CYGB: variants seen among roughly 807,000 people sequenced by gnomAD.
CYGB encodes the protein cytoglobin.
CYGB carries 13 observed loss-of-function variants against 20.7 expected under a neutral mutation model. That is an observed-to-expected ratio of 0.63 (90% CI 0.41 to 1.00). The LOEUF is 1.00. Among genes scored for constraint, CYGB ranks in the 50% least tolerant of loss-of-function variants. The probability of loss-of-function intolerance (pLI) is 0.00; values close to 1 mark genes in which losing one functional copy is unlikely to be tolerated. For synonymous variants in CYGB, 93 were observed against 107.4 expected, an observed-to-expected ratio of 0.87 and a Z score of 0.83; for missense variants, 218 against 257.2, an observed-to-expected ratio of 0.85 and a Z score of 1.04.
intron 1 of CYGB, among the ~76,000 whole-genome samples, chr17:76,548,418 T>G (rs1198318311): frequency 6.6e-6 from 1 of 152,230 alleles, no homozygotes; most frequent in Admixed American, 6.5e-5. Flanking sequence ...GAACCTGCAA[T>G]GTACAAACCC....
chr17:76,533,545 C>T lies in CYGB; in HGVS notation c.144-1854G>A, dbSNP rs1177541582. ...TTTGAGACCAGCCTGGGCAATGTGG[C>T]AAACCCTGTCTCTACAAAATACAAA... On this transcript the variant is annotated intron_variant, in intron 1 of 3. Coordinates refer to ENST00000293230, the MANE Select transcript of CYGB (RefSeq NM_134268.5). This position sits in a 1 kb window ranked among gnomAD's most constrained non-coding sequence, Gnocchi z 4.5. 6.7e-6 allele frequency among the ~76,000 whole-genome samples: 1 copy of T among 150,092 alleles called. No homozygotes were observed. Among genetic ancestry groups the T allele is most frequent in the African/African-American group, 2.5e-5 (1 of 40,622 alleles).
upstream of CYGB, chr17:76,540,458 G>A: frequency 6.3e-7 from 1 of 1,598,962 alleles, no homozygotes; most frequent in Non-Finnish European, 8.6e-7. This position sits in a 1 kb window ranked among gnomAD's most constrained non-coding sequence, Gnocchi z 5.0. Flanking sequence ...GACAGTGAGG[G>A]GCTGGGCACA....
rs146768380 is a variant in CYGB at position 76,531,614 on chromosome 17, C to A, written c.221G>T (p.Arg74Leu). ...KHMEDPLEME[R>L]SPQLRKHACR... ...GGCGTGCTTCCGCAGCTGGGGGCTCCGCTCCATCTCCAGGGGATCCTCCAT... is the reference window on the plus strand; with the variant it reads ...GGCGTGCTTCCGCAGCTGGGGGCTCAGCTCCATCTCCAGGGGATCCTCCAT... The change falls in exon 2 of 4, where the codon CGG becomes CTG. Residue 74 changes from arginine to leucine, a missense_variant. Transcript: ENST00000293230. The surrounding 1 kb of genome is among the most constrained non-coding windows in gnomAD (Gnocchi z 7.4). 1 of 1,613,502 alleles carries A rather than the reference C, an allele frequency of 6.2e-7. No homozygotes were observed. Among genetic ancestry groups the A allele is most frequent in the Admixed American group, 1.7e-5 (1 of 60,022 alleles).
intron 1 of CYGB, chr17:76,545,055 C>G (rs4648339): frequency 1.1e-4 from 48 of 438,046 alleles, no homozygotes; most frequent in Middle Eastern, 5.0e-4. Flanking sequence ...CCATGTGGGC[C>G]GGGTGGGGGG....
intron 1 of CYGB, among the ~76,000 whole-genome samples, chr17:76,534,166 CTCTCTCTCTCTT>C (rs1472117760): frequency 6.7e-5 from 10 of 148,260 alleles, no homozygotes; most frequent in African/African-American, 2.0e-4. Flanking sequence ...CTCTCTCTCT[CTCTCTCTCTCTT>C]TCTTTCTTTC....
rs2074787584 is a variant in CYGB, at chr17:76,528,031, A to G, written c.*547T>C. On this transcript the variant is annotated 3_prime_UTR_variant, in exon 4 of 4. Transcript: ENST00000293230. The surrounding 1 kb of genome is among the most constrained non-coding windows in gnomAD (Gnocchi z 5.8). Reference sequence around the variant, plus strand: ...TTTGCCAGAACACTCTGTTCTCTGCACAACCGGAACCCCTCCCTGCCCCAC... The same window carrying G: ...TTTGCCAGAACACTCTGTTCTCTGCGCAACCGGAACCCCTCCCTGCCCCAC... 4 of 368,242 alleles carry G rather than the reference A, an allele frequency of 1.1e-5. No individual in the cohort carries two copies. The allele number at this position is 368,242 out of a possible 1,614,324, so 22.8% of individuals were successfully genotyped here. A position where few individuals can be genotyped will look rare whatever the true frequency, so the allele number is the denominator to read the frequency against.
intron 3 of CYGB, chr17:76,529,139 TAAGAG>T (rs1296744404): frequency 1.7e-5 from 17 of 975,716 alleles, no homozygotes; most frequent in Non-Finnish European, 1.9e-5. Context: ...GCTTCCCTGA[TAAGAG>T]AAGTTGGGCG....
rs1015127303 is a variant in CYGB at position 76,531,395 on chromosome 17, C to T, written c.375+65G>A. The T allele has an allele frequency of 6.4e-7, 1 of 1,552,894 alleles. No individual in the cohort carries two copies. The highest frequency in any genetic ancestry group is 1.2e-5 in the South Asian group (1 of 85,392). On this transcript the variant is annotated intron_variant, in intron 2 of 3. Transcript: ENST00000293230. The surrounding 1 kb of genome is among the most constrained non-coding windows in gnomAD (Gnocchi z 7.4). ...TTGCTCCAGAGAGCCGTCGCAGAGC[C>T]TGCGAGCTGCAGATGGCCATGACGC...
intron 1 of CYGB, chr17:76,545,541 C>G (rs1177267783): frequency 2.8e-6 from 1 of 353,628 alleles, no homozygotes; most frequent in Non-Finnish European, 5.6e-6. Context: ...GTGCTGGCTA[C>G]TGTGAAATAA....
chr17:76,531,540 G>A lies in CYGB; in HGVS notation c.295C>T (p.Pro99Ser). The A allele has an allele frequency of 6.2e-7, 1 of 1,614,148 alleles. No homozygotes were observed. The highest frequency in any genetic ancestry group is 8.5e-7 in the Non-Finnish European group (1 of 1,179,980). Residue 99 changes from proline (P) to serine (S), a missense_variant, in exon 2 of 4, where the codon CCC becomes TCC. By Grantham distance (74) the Pro-to-Ser change is moderately conservative. This residue lies in a region of CYGB where 152 missense variants were observed against 149.9 expected (regional missense o/e 1.01). Coordinates refer to ENST00000293230, the MANE Select transcript of CYGB (RefSeq NM_134268.5). This position sits in a 1 kb window ranked among gnomAD's most constrained non-coding sequence, Gnocchi z 7.4. ...LNTVVENLHD[P>S]DKVSSVLALV... ...GCGAGCACAGAGGACACCTTGTCGG[G>A]GTCATGCAGGTTCTCCACGACAGTG...
rs777836442 is a variant in CYGB at position 76,528,507 on chromosome 17, G to A, written c.*71C>T. The A allele has an allele frequency of 7.4e-6, 9 of 1,219,530 alleles. No individual in the cohort carries two copies. The East Asian group carries it at 9.5e-5, about 13-fold the overall frequency. 75.5% of individuals were successfully genotyped at this position (1,219,530 alleles called of 1,614,324 possible). On this transcript the variant is annotated 3_prime_UTR_variant, in exon 4 of 4. Coordinates refer to ENST00000293230, the MANE Select transcript of CYGB (RefSeq NM_134268.5). This position sits in a 1 kb window ranked among gnomAD's most constrained non-coding sequence, Gnocchi z 5.8. ...CTTCCTTGGCACCCAGAAATGGAGCGTCAAGGAGGGTCTTCAGAACTCGGC... is the reference window on the plus strand; with the variant it reads ...CTTCCTTGGCACCCAGAAATGGAGCATCAAGGAGGGTCTTCAGAACTCGGC...
chr17:76,540,262 G>GGCATGGGGCT, upstream of CYGB: 5 of 738,392 alleles, frequency 6.8e-6, no homozygotes, highest in South Asian at 1.5e-5. This position sits in a 1 kb window ranked among gnomAD's most constrained non-coding sequence, Gnocchi z 5.0. Flanking sequence ...GGGGGGGGGG[G>GGCATGGGGCT]GCATGGGGCT....
chr17:76,535,126 G>C (rs1308674151), intron 1 of CYGB, among the ~76,000 whole-genome samples: 1 of 152,184 alleles, frequency 6.6e-6, no homozygotes, highest in Non-Finnish European at 1.5e-5. Context: ...ATGGAAGTGT[G>C]GGGTCTGCCT....
intron 1 of CYGB, among the ~76,000 whole-genome samples, chr17:76,549,316 C>T (rs192656538): frequency 1.2e-4 from 19 of 152,334 alleles, no homozygotes; most frequent in Non-Finnish European, 2.6e-4. Flanking sequence ...AAACATACAG[C>T]TAAAATACAT....
chr17:76,527,782 C>T lies in CYGB; in HGVS notation c.*796G>A, dbSNP rs762643014. 6.6e-5 allele frequency: 30 copies of T among 454,030 alleles called. No homozygotes were observed. Among genetic ancestry groups the T allele is most frequent in the Middle Eastern group, 6.9e-4 (1 of 1,442 alleles). The allele number at this position is 454,030 out of a possible 1,614,324, so 28.1% of individuals were successfully genotyped here. On this transcript the variant is annotated 3_prime_UTR_variant, in exon 4 of 4. Coordinates refer to ENST00000293230, the MANE Select transcript of CYGB (RefSeq NM_134268.5). ...CTGGACTGAGGCCCCTCCCCCAGTG[C>T]GGTCATCCCACCCAGAACTTCGCTC...
rs112871100 is a variant in CYGB at position 76,531,694 on chromosome 17, G to A, written c.144-3C>T. On this transcript the variant is annotated splice_polypyrimidine_tract_variant and splice_region_variant and intron_variant, in intron 1 of 3. Coordinates refer to ENST00000293230, the MANE Select transcript of CYGB (RefSeq NM_134268.5). This position sits in a 1 kb window ranked among gnomAD's most constrained non-coding sequence, Gnocchi z 7.4. Reference sequence around the variant, plus strand: ...CCGAGGGGAAGTTCACAAAGAACCTGGCAAGAGGAACAGGGGTGGTCGCTG... The same window carrying A: ...CCGAGGGGAAGTTCACAAAGAACCTAGCAAGAGGAACAGGGGTGGTCGCTG... 6.3e-7 allele frequency: 1 copy of A among 1,590,266 alleles called. No individual in the cohort carries two copies. The highest frequency in any genetic ancestry group is 8.6e-7 in the Non-Finnish European group (1 of 1,161,872).
At chr17:76,543,097 A>G (rs1188117940) in intron 1 of CYGB, 1 of 471,336 alleles carries the variant, frequency 2.1e-6, no homozygotes, top group Admixed American at 2.3e-5. Context: ...AAGAGGGAGA[A>G]TGGGGGGAAG....
Position 76,527,717 on chromosome 17 carries a change from C to T in CYGB, c.*861G>A, listed in dbSNP as rs1208274146. On this transcript the variant is annotated 3_prime_UTR_variant, in exon 4 of 4. Transcript: ENST00000293230. ...CAGCAGCCCGGATCCCCCGGGGCTG[C>T]CCTGGTGGCCAAGGCAGGTGGAGCT... 1 of 454,044 alleles carries T rather than the reference C, an allele frequency of 2.2e-6. No individual in the cohort carries two copies. Among genetic ancestry groups the T allele is most frequent in the East Asian group, 6.9e-5 (1 of 14,392 alleles). The allele number at this position is 454,044 out of a possible 1,614,324, so 28.1% of individuals were successfully genotyped here. A position where few individuals can be genotyped will look rare whatever the true frequency, so the allele number is the denominator to read the frequency against.
At chr17:76,544,314 C>T (rs1229256216) in intron 1 of CYGB, 1 of 454,444 alleles carries the variant, frequency 2.2e-6, no homozygotes, top group Non-Finnish European at 4.4e-6. Flanking sequence ...AGATGGAGTT[C>T]TCTAGACAGC....
Sources: allele counts gnomAD v4.1 joint callset (sites outside exome capture counted in the v4.1 genomes callset), GRCh38; gene constraint gnomAD v4.1.1; regional missense constraint gnomAD v4.1.1; non-coding constraint Gnocchi (gnomAD v3.1); transcripts MANE v1.5; gene names NCBI Gene and HGNC (gene_info 2026-07-23, HGNC 2026-07-21).